Variants in C3orf70 observed in about 807,000 individuals in gnomAD.
The protein encoded by C3orf70 is UPF0524 protein C3orf70.
Under a neutral mutation model 20.7 loss-of-function variants are expected in C3orf70, and 15 were observed. The ratio of observed to expected loss-of-function variants is 0.72; its 90% confidence interval spans 0.48 to 1.11. C3orf70 has a LOEUF of 1.11. C3orf70 is among the 50% of genes most tolerant of loss of function. The probability of loss-of-function intolerance (pLI) is 0.00; values close to 1 mark genes in which losing one functional copy is unlikely to be tolerated. For synonymous variants in C3orf70, 161 were observed against 125.7 expected (o/e 1.28, Z -1.88); for missense variants, 332 against 317.6 (o/e 1.05, Z -0.34).
At chr3:185,114,259 G>A (rs1011953725) in intron 1 of C3orf70, among the ~76,000 whole-genome samples, 1 of 151,316 alleles carries the variant, frequency 6.6e-6, no homozygotes, top group Non-Finnish European at 1.5e-5. Context: ...TACCATAAAT[G>A]GTAACTTTGT....
chr3:185,103,585 GA>G (rs1715864511), intron 1 of C3orf70, among the ~76,000 whole-genome samples: 1 of 151,910 alleles, frequency 6.6e-6, no homozygotes, highest in South Asian at 2.1e-4. Flanking sequence ...ACAAGCATAT[GA>G]AAAAAAGCTC....
intron 1 of C3orf70, among the ~76,000 whole-genome samples, chr3:185,115,141 C>A (rs1250689833): frequency 2.6e-5 from 4 of 150,944 alleles, no homozygotes; most frequent in African/African-American, 9.8e-5. Flanking sequence ...TGGGATGGTA[C>A]TCTGGCATAT....
intron 1 of C3orf70, among the ~76,000 whole-genome samples, chr3:185,085,647 A>G (rs1013092407): frequency 2.0e-5 from 3 of 150,198 alleles, no homozygotes; most frequent in African/African-American, 7.4e-5. Flanking sequence ...AGGCGTCTTC[A>G]TTTCTCCAGC....
chr3:185,138,433 GA>G (rs1716672025), intron 1 of C3orf70, among the ~76,000 whole-genome samples: 1 of 147,034 alleles, frequency 6.8e-6, no homozygotes, highest in South Asian at 2.1e-4. Context: ...ACCAAAACCA[GA>G]CAGACAGTAA....
At chr3:185,127,566 A>T (rs1716438511) in intron 1 of C3orf70, among the ~76,000 whole-genome samples, 1 of 152,088 alleles carries the variant, frequency 6.6e-6, no homozygotes, top group South Asian at 2.1e-4. Flanking sequence ...TGGCCTCCTA[A>T]GTAGCTGGGA....
At chr3:185,121,236 T>G (rs1292833583) in intron 1 of C3orf70, among the ~76,000 whole-genome samples, 1 of 150,324 alleles carries the variant, frequency 6.7e-6, no homozygotes, top group Admixed American at 6.7e-5. Context: ...GGGGAAAGGG[T>G]GGGAAGGGGA....
At chr3:185,123,178 C>CAAAAAAA (rs34803531) in intron 1 of C3orf70, among the ~76,000 whole-genome samples, 1 of 91,330 alleles carries the variant, frequency 1.1e-5, no homozygotes, top group South Asian at 4.2e-4. Flanking sequence ...GACTCCATCT[C>CAAAAAAA]AAAAAAAAAA....
At chr3:185,105,771 G>A (rs1715921202) in intron 1 of C3orf70, among the ~76,000 whole-genome samples, 1 of 152,222 alleles carries the variant, frequency 6.6e-6, no homozygotes, top group Non-Finnish European at 1.5e-5. Flanking sequence ...AGCGATGGTT[G>A]GAGAATGTGG....
At chr3:185,096,015 G>A (rs545136118) in intron 1 of C3orf70, among the ~76,000 whole-genome samples, 337 of 152,204 alleles carry the variant, frequency 2.2e-3, no homozygotes, top group African/African-American at 7.8e-3. Context: ...GATTACAGGC[G>A]TGAACCACCG....
At chr3:185,114,882 A>G (rs1716144567) in intron 1 of C3orf70, among the ~76,000 whole-genome samples, 1 of 152,210 alleles carries the variant, frequency 6.6e-6, no homozygotes. Context: ...AAGGGAACTC[A>G]CTTTGTTTTC....
intron 1 of C3orf70, among the ~76,000 whole-genome samples, chr3:185,097,507 G>C (rs1715733477): frequency 6.6e-6 from 1 of 152,278 alleles, no homozygotes; most frequent in East Asian, 1.9e-4. Flanking sequence ...TTTCCTGAAA[G>C]AACAAGCTTA....
At chr3:185,133,781 T>C (rs944449155) in intron 1 of C3orf70, among the ~76,000 whole-genome samples, 2 of 151,744 alleles carry the variant, frequency 1.3e-5, no homozygotes, top group African/African-American at 4.8e-5. Flanking sequence ...ATTACACATA[T>C]ATGCAACAAA....
rs565091469 is a variant in C3orf70, at chr3:185,077,680, C to A, written c.*5327G>T. 6.6e-6 allele frequency among the ~76,000 whole-genome samples: 1 copy of A among 151,496 alleles called. No homozygotes were observed. The highest frequency in any genetic ancestry group is 1.5e-5 in the Non-Finnish European group (1 of 67,994). ...AGCTCTGCCGGGCAGCAGCCTCCCTCGATGCCTGATCTTCAGTTAGAACTG... is the reference window on the plus strand; with the variant it reads ...AGCTCTGCCGGGCAGCAGCCTCCCTAGATGCCTGATCTTCAGTTAGAACTG... On this transcript the variant is annotated 3_prime_UTR_variant, in exon 2 of 2. Coordinates refer to ENST00000335012, the MANE Select transcript of C3orf70 (RefSeq NM_001025266.3).
chr3:185,100,182 T>C (rs1261581428), intron 1 of C3orf70, among the ~76,000 whole-genome samples: 2 of 152,130 alleles, frequency 1.3e-5, no homozygotes, highest in African/African-American at 4.8e-5. Context: ...CTGAACTCAG[T>C]AGTGGATCAA....
At chr3:185,097,703 GAA>G (rs907281128) in intron 1 of C3orf70, among the ~76,000 whole-genome samples, 5 of 152,312 alleles carry the variant, frequency 3.3e-5, no homozygotes, top group African/African-American at 9.6e-5. Context: ...CCCTTGAAGA[GAA>G]AAGAGACAGG....
At chr3:185,099,571 G>A (rs1715779890) in intron 1 of C3orf70, among the ~76,000 whole-genome samples, 1 of 152,154 alleles carries the variant, frequency 6.6e-6, no homozygotes, top group Admixed American at 6.5e-5. Flanking sequence ...CTGAAGGAAG[G>A]AGTAAATATG....
chr3:185,110,875 C>A (rs6808705), intron 1 of C3orf70, among the ~76,000 whole-genome samples: 1 of 152,164 alleles, frequency 6.6e-6, no homozygotes, highest in Non-Finnish European at 1.5e-5. Context: ...AGAAACAATG[C>A]GAATGGCTGG....
intron 1 of C3orf70, among the ~76,000 whole-genome samples, chr3:185,151,434 T>G (rs1042807464): frequency 9.9e-5 from 15 of 152,076 alleles, no homozygotes; most frequent in Middle Eastern, 3.2e-3. Context: ...AAGCAATGCT[T>G]TATACTAACA....
chr3:185,090,798 C>T (rs1715550604), intron 1 of C3orf70, among the ~76,000 whole-genome samples: 1 of 152,180 alleles, frequency 6.6e-6, no homozygotes, highest in Non-Finnish European at 1.5e-5. Context: ...TTCTGCCCCA[C>T]TGGCAGTCAA....
Sources: allele counts gnomAD v4.1 joint callset (sites outside exome capture counted in the v4.1 genomes callset), GRCh38; gene constraint gnomAD v4.1.1; transcripts MANE v1.5; gene names NCBI Gene and HGNC (gene_info 2026-07-23, HGNC 2026-07-21).